The following BANK1 variants were observed in gnomAD, a reference collection of about 807,000 sequenced individuals.
BANK1 encodes B-cell scaffold protein with ankyrin repeats.
A neutral mutation model predicts 94.5 loss-of-function variants in BANK1; 95 were observed. The observed-to-expected ratio is 1.00, with a 90% CI of 0.85 to 1.19. The LOEUF (loss-of-function observed/expected upper bound fraction) is 1.19, where lower values mean the gene tolerates loss of function less well. Among genes scored for constraint, BANK1 ranks in the 50% most tolerant of loss-of-function variants. The pLI, the probability that BANK1 is intolerant of heterozygous loss-of-function variation, is 0.00. For synonymous variants in BANK1, 334 were observed against 308.4 expected, an observed-to-expected ratio of 1.08 and a Z score of -0.87; for missense variants, 987 against 932.2, an observed-to-expected ratio of 1.06 and a Z score of -0.77.
chr4:101,841,953 A>G (rs1163212641), intron 2 of BANK1, among the ~76,000 whole-genome samples: 1 of 152,036 alleles, frequency 6.6e-6, no homozygotes, highest in Non-Finnish European at 1.5e-5. Context: ...AATTTTATAG[A>G]TAAGCTACTC....
rs774774432 is a variant in BANK1, at chr4:101,826,428, A to G, written c.71-3380A>G. Among the ~76,000 whole-genome samples the G allele has an allele frequency of 5.9e-5, 9 of 152,158 alleles. No individual in the cohort carries two copies. The East Asian group carries it at 7.7e-4, about 13-fold the overall frequency. ...TTAAGAGTGTAATTGTGAGAATTAA[A>G]TGAAACAGCATGTGTGAAACACATA... On this transcript the variant is annotated intron_variant, in intron 1 of 16. Coordinates refer to ENST00000322953, the MANE Select transcript of BANK1 (RefSeq NM_017935.5).
intron 1 of BANK1, among the ~76,000 whole-genome samples, chr4:101,828,476 A>G (rs1255600331): frequency 4.0e-5 from 6 of 151,206 alleles, no homozygotes; most frequent in East Asian, 1.9e-4. Context: ...AGGCTCTCTC[A>G]TACCTATTTT....
chr4:101,844,069 A>G (rs576183809), intron 2 of BANK1, among the ~76,000 whole-genome samples: 1 of 152,342 alleles, frequency 6.6e-6, no homozygotes, highest in Non-Finnish European at 1.5e-5. Flanking sequence ...TTGAGCTTCT[A>G]CTATGTGGCA....
chr4:101,986,552 TAGTA>T (rs968872648), intron 7 of BANK1, among the ~76,000 whole-genome samples: 15 of 151,992 alleles, frequency 9.9e-5, no homozygotes, highest in African/African-American at 3.6e-4. Context: ...TGACAAGAAA[TAGTA>T]AGAGTAAATG....
intron 11 of BANK1, among the ~76,000 whole-genome samples, chr4:102,051,731 G>A (rs1477833197): frequency 1.3e-5 from 2 of 152,130 alleles, no homozygotes; most frequent in Admixed American, 6.5e-5. Flanking sequence ...CAAGTGCTCT[G>A]TGTCCCAGCT....
At chr4:101,986,899 G>GTGTGTGTGTATATATATATA (rs1343197093) in intron 7 of BANK1, among the ~76,000 whole-genome samples, 1 of 82,670 alleles carries the variant, frequency 1.2e-5, no homozygotes, top group African/African-American at 6.4e-5. Context: ...GTGTGTGTGT[G>GTGTGTGTGTATATATATATA]TATATATATA....
At chr4:102,042,427 G>A (rs545949558) in intron 10 of BANK1, among the ~76,000 whole-genome samples, 8 of 152,024 alleles carry the variant, frequency 5.3e-5, no homozygotes, top group South Asian at 2.1e-4. Context: ...TCTCAAACAC[G>A]TCAAACTTTG....
chr4:101,971,087 T>G (rs1171176422), intron 7 of BANK1, among the ~76,000 whole-genome samples: 5 of 152,140 alleles, frequency 3.3e-5, no homozygotes, highest in South Asian at 2.1e-4. Context: ...GAAAAGGAAA[T>G]AGCAAGAAAT....
intron 5 of BANK1, among the ~76,000 whole-genome samples, chr4:101,883,448 G>A (rs1169561832): frequency 6.6e-6 from 1 of 152,078 alleles, no homozygotes; most frequent in Non-Finnish European, 1.5e-5. Flanking sequence ...GCCCCCATAT[G>A]TTATAACTTA....
At chr4:102,049,279 A>C (rs993421191) in intron 11 of BANK1, among the ~76,000 whole-genome samples, 1 of 152,234 alleles carries the variant, frequency 6.6e-6, no homozygotes, top group Admixed American at 6.5e-5. Flanking sequence ...AAAAATGTTG[A>C]AAGAATTTAA....
At chr4:102,037,854 GA>G (rs1395945274) in intron 10 of BANK1, among the ~76,000 whole-genome samples, 4 of 152,164 alleles carry the variant, frequency 2.6e-5, no homozygotes, top group Admixed American at 2.6e-4. Context: ...GTATTCTGTA[GA>G]CACAGAGGTG....
intron 5 of BANK1, among the ~76,000 whole-genome samples, chr4:101,884,543 T>C (rs1728780420): frequency 6.6e-6 from 1 of 152,176 alleles, no homozygotes; most frequent in African/African-American, 2.4e-5. Context: ...CTACATGTTA[T>C]CTCATTGGTT....
rs574225984 is a variant in BANK1 at position 101,923,423 on chromosome 4, T to C, written c.1206+5234T>C. Among the ~76,000 whole-genome samples, 6 of 151,906 alleles carry C rather than the reference T, an allele frequency of 3.9e-5. No individual in the cohort carries two copies. In the East Asian group the frequency reaches 9.7e-4, roughly 25 times the overall value. ...ACTAAAGCTGCTCTGTCAAAAGCCA[T>C]AAATAATCAACCATGTATCAGATCC... On this transcript the variant is annotated intron_variant, in intron 7 of 16. Transcript: ENST00000322953.
At chr4:101,907,760 A>G (rs1353854145) in intron 6 of BANK1, among the ~76,000 whole-genome samples, 2 of 152,322 alleles carry the variant, frequency 1.3e-5, no homozygotes, top group East Asian at 3.9e-4. Flanking sequence ...ATACACCAAT[A>G]ACAGACAAAC....
At chr4:101,853,810 C>CA (rs1364963643) in intron 2 of BANK1, among the ~76,000 whole-genome samples, 1 of 152,074 alleles carries the variant, frequency 6.6e-6, no homozygotes, top group Non-Finnish European at 1.5e-5. Context: ...AGGAGTGGAT[C>CA]ACACCGCGTA....
intron 10 of BANK1, among the ~76,000 whole-genome samples, chr4:102,033,400 GATTT>G (rs1031263028): frequency 1.3e-5 from 2 of 152,182 alleles, no homozygotes; most frequent in South Asian, 2.1e-4. Flanking sequence ...TCCTTTCATT[GATTT>G]ATTTATTAGT....
chr4:101,872,982 T>C (rs1202361543), intron 5 of BANK1, among the ~76,000 whole-genome samples: 1 of 150,244 alleles, frequency 6.7e-6, no homozygotes, highest in East Asian at 2.0e-4. Flanking sequence ...AATAAGTCTC[T>C]GTCTCAAAAA....
intron 3 of BANK1, 67 bp from the exon 4 acceptor site, chr4:101,862,459 G>T: frequency 7.5e-7 from 1 of 1,333,856 alleles, no homozygotes; most frequent in Non-Finnish European, 1.0e-6. Context: ...ATAAAGAAAT[G>T]TAATGGGTTC....
In BANK1 at chr4:101,829,822, A is replaced by C; in HGVS notation, c.85A>C (p.Ile29Leu). The C allele has an allele frequency of 1.3e-6, 2 of 1,544,434 alleles. No individual in the cohort carries two copies. The highest frequency in any genetic ancestry group is 1.7e-6 in the Non-Finnish European group (2 of 1,144,864). The part of the protein sequence containing the change: ...GPAPPGNTKD[I>L]IMIYEEDAEE... ...TCTTTTTCCAGGAAATACAAAAGAT[A>C]TAATAATGATATATGAAGAAGATGC... Residue 29 changes from isoleucine (I) to leucine (L), a missense_variant, in exon 2 of 17, where the codon ATA becomes CTA. Coordinates refer to ENST00000322953, the MANE Select transcript of BANK1 (RefSeq NM_017935.5).
Sources: allele counts gnomAD v4.1 joint callset (sites outside exome capture counted in the v4.1 genomes callset), GRCh38; gene constraint gnomAD v4.1.1; transcripts MANE v1.5; gene names NCBI Gene and HGNC (gene_info 2026-07-23, HGNC 2026-07-21).